PLCB1: variants seen among roughly 807,000 people sequenced by gnomAD.
The protein encoded by PLCB1 is phospholipase C beta 1, also known as 1-phosphatidylinositol 4,5-bisphosphate phosphodiesterase beta-1.
PLCB1 carries 46 observed loss-of-function variants against 161.8 expected under a neutral mutation model. The observed-to-expected ratio is 0.28, with a 90% CI of 0.22 to 0.36. PLCB1 has a LOEUF of 0.36. Ranked by LOEUF, PLCB1 falls within the 10% of genes least tolerant of loss-of-function variation. PLCB1 has a pLI of 1.00. For synonymous variants in PLCB1, 517 were observed against 503.7 expected (o/e 1.03, Z -0.35); for missense variants, 1,016 against 1,472.5 (o/e 0.69, Z 5.07).
chr20:8,525,749 A>G (rs996254850), intron 3 of PLCB1, among the ~76,000 whole-genome samples: 2 of 152,000 alleles, frequency 1.3e-5, no homozygotes, highest in African/African-American at 4.8e-5. Flanking sequence ...AATAAAATTC[A>G]TAAAATTCTA....
At chr20:8,693,490 C>G (rs1298811000) in intron 10 of PLCB1, among the ~76,000 whole-genome samples, 2 of 152,084 alleles carry the variant, frequency 1.3e-5, no homozygotes, top group Non-Finnish European at 2.9e-5. Context: ...TCAGGTGTAG[C>G]CATGAGATTA....
intron 3 of PLCB1, among the ~76,000 whole-genome samples, chr20:8,395,616 G>A (rs575088957): frequency 2.0e-5 from 3 of 152,012 alleles, no homozygotes; most frequent in East Asian, 3.9e-4. Flanking sequence ...TGAGTTGGTG[G>A]TTTATAAAAC....
chr20:8,826,977 A>G (rs6056184), intron 31 of PLCB1, among the ~76,000 whole-genome samples: 44,681 of 151,994 alleles, frequency 0.29, 6,714 homozygotes, highest in Middle Eastern at 0.41. Context: ...TTTACTTGGA[A>G]ATTATCACTT....
In PLCB1 at chr20:8,568,369, C is replaced by T. The variant is rs193245944; in HGVS notation, c.247-59925C>T. ...TAATGAAAGGGCCTAGTTATTGCAA[C>T]ATATGCTGCCTTCATTTCAAAAGAT... On this transcript the variant is annotated intron_variant, in intron 3 of 31. Coordinates refer to ENST00000338037, the MANE Select transcript of PLCB1 (RefSeq NM_015192.4). Among the ~76,000 whole-genome samples the T allele has an allele frequency of 2.6e-3, 392 of 152,296 alleles. 1 individual carries two copies. Among genetic ancestry groups the T allele is most frequent in the African/African-American group, 9.0e-3 (373 of 41,558 alleles).
intron 3 of PLCB1, among the ~76,000 whole-genome samples, chr20:8,590,793 C>T (rs1263076850): frequency 6.6e-6 from 1 of 152,138 alleles, no homozygotes; most frequent in East Asian, 1.9e-4. Flanking sequence ...ATTAGGCCTA[C>T]CTGGATAATC....
chr20:8,310,168 C>T (rs1302386645), intron 2 of PLCB1, among the ~76,000 whole-genome samples: 2 of 151,568 alleles, frequency 1.3e-5, no homozygotes, highest in Non-Finnish European at 2.9e-5. Context: ...GTGGGTCTCT[C>T]TAGTGGAAAA....
chr20:8,572,559 C>T (rs1431235498), intron 3 of PLCB1, among the ~76,000 whole-genome samples: 1 of 152,168 alleles, frequency 6.6e-6, no homozygotes, highest in Non-Finnish European at 1.5e-5. Context: ...CCTCATTGAA[C>T]TCTCATTGTG....
chr20:8,524,117 TA>T (rs11477677), intron 3 of PLCB1, among the ~76,000 whole-genome samples: 26,853 of 152,114 alleles, frequency 0.18, 3,303 homozygotes, highest in African/African-American at 0.35. Flanking sequence ...TGCTATGTAT[TA>T]AAAGCCTTCA....
At chr20:8,802,053 C>A (rs763454768) in intron 31 of PLCB1, 2 of 1,563,002 alleles carry the variant, frequency 1.3e-6, no homozygotes, top group Non-Finnish European at 1.8e-6. Context: ...TTTTTCCACA[C>A]AGGGGGAAGG....
Position 8,729,191 on chromosome 20 carries a change from T to A in PLCB1, c.1888+17T>A, listed in dbSNP as rs1467431031. On this transcript the variant is annotated intron_variant, in intron 18 of 31. Transcript: ENST00000338037. Reference sequence around the variant, plus strand: ...AGACAATGGGTAAGTACATGCTTGTTCCCATTCTGCTATGAACTCACATTG... The same window carrying A: ...AGACAATGGGTAAGTACATGCTTGTACCCATTCTGCTATGAACTCACATTG... 6.9e-6 allele frequency: 11 copies of A among 1,590,190 alleles called. No homozygotes were observed. The African/African-American group carries it at 1.2e-4, about 18-fold the overall frequency.
intron 3 of PLCB1, among the ~76,000 whole-genome samples, chr20:8,526,581 T>C (rs956501676): frequency 1.3e-5 from 2 of 152,118 alleles, no homozygotes; most frequent in African/African-American, 4.8e-5. Flanking sequence ...ATAAACATTC[T>C]TACTGTCCTC....
intron 3 of PLCB1, among the ~76,000 whole-genome samples, chr20:8,435,135 G>A (rs917814384): frequency 2.0e-5 from 3 of 152,216 alleles, no homozygotes; most frequent in Admixed American, 6.5e-5. Flanking sequence ...AAGCTCCCCA[G>A]TGGCATGAAT....
intron 4 of PLCB1, among the ~76,000 whole-genome samples, chr20:8,629,825 C>CTTTTCTTTCTTTTCTTTCT (rs11087813): frequency 1.4e-4 from 10 of 71,838 alleles, no homozygotes; most frequent in Non-Finnish European, 1.1e-4. Flanking sequence ...TCTTTTCTTT[C>CTTTTCTTTCTTTTCTTTCT]TTTCTTTCTT....
intron 3 of PLCB1, among the ~76,000 whole-genome samples, chr20:8,437,508 A>G (rs1056437992): frequency 2.6e-5 from 4 of 152,344 alleles, no homozygotes; most frequent in African/African-American, 9.6e-5. Flanking sequence ...ACTATACACA[A>G]ATATATGAAC....
intron 2 of PLCB1, among the ~76,000 whole-genome samples, chr20:8,251,267 T>G (rs1369883110): frequency 6.6e-6 from 1 of 151,930 alleles, no homozygotes; most frequent in Non-Finnish European, 1.5e-5. Flanking sequence ...GAGTTAAGTT[T>G]CAACATAGGA....
rs1985092450 is a variant in PLCB1 at position 8,537,278 on chromosome 20, T to G, written c.247-91016T>G. ...CACTGTTTGATCCCGGACTTACAGT[T>G]TTTACATGCTGTCCTACTTCCTGCA... On this transcript the variant is annotated intron_variant, in intron 3 of 31. Transcript: ENST00000338037. Among the ~76,000 whole-genome samples the G allele has an allele frequency of 2.6e-5, 4 of 152,122 alleles. No homozygotes were observed. The South Asian group carries it at 6.2e-4, about 24-fold the overall frequency.
At chr20:8,528,533 G>T (rs1395514220) in intron 3 of PLCB1, among the ~76,000 whole-genome samples, 1 of 151,960 alleles carries the variant, frequency 6.6e-6, no homozygotes, top group African/African-American at 2.4e-5. Flanking sequence ...ACCTCTAGTG[G>T]GAAGGTCAGG....
chr20:8,829,245 A>G (rs1376897192), intron 31 of PLCB1, among the ~76,000 whole-genome samples: 1 of 152,200 alleles, frequency 6.6e-6, no homozygotes, highest in Admixed American at 6.5e-5. Flanking sequence ...GGAGTAAATC[A>G]TCAGGAAAAG....
At chr20:8,429,136 G>T (rs532947412) in intron 3 of PLCB1, among the ~76,000 whole-genome samples, 1 of 152,236 alleles carries the variant, frequency 6.6e-6, no homozygotes, top group East Asian at 1.9e-4. Flanking sequence ...GAACAGGCTC[G>T]TGGGAGAAGT....
Sources: gnomAD v4.1 joint callset for allele counts (sites outside exome capture counted in the v4.1 genomes callset) on GRCh38, gnomAD v4.1.1 for gene constraint, MANE v1.5 for transcripts, NCBI Gene and HGNC (gene_info 2026-07-23, HGNC 2026-07-21) for gene names.